The following CELSR1 variants were observed in gnomAD, a reference collection of about 807,000 sequenced individuals.
CELSR1 encodes cadherin EGF LAG seven-pass G-type receptor 1.
In CELSR1, 110 loss-of-function variants were observed where a neutral mutation model predicts 249.1. That is an observed-to-expected ratio of 0.44 (90% CI 0.38 to 0.52). The LOEUF is 0.52. Ranked by LOEUF, CELSR1 falls within the 20% of genes least tolerant of loss-of-function variation. CELSR1 has a pLI of 0.00. For synonymous variants in CELSR1, 2,113 were observed against 1,900.0 expected (o/e 1.11, Z -2.92); for missense variants, 4,109 against 4,296.4 (o/e 0.96, Z 1.22).
rs2078722535 is a variant in CELSR1, at chr22:46,363,019, C to T, written c.*204G>A. ...CACCAGGTCTGACAGGCCCTGAGCT[C>T]CTGGGAGAACCAAGACCTTTGTGTC... On this transcript the variant is annotated 3_prime_UTR_variant, in exon 35 of 35. Transcript: ENST00000674500. This position sits in a 1 kb window ranked among gnomAD's most constrained non-coding sequence, Gnocchi z 4.3. 4.6e-6 allele frequency: 5 copies of T among 1,090,616 alleles called. No individual in the cohort carries two copies. The highest frequency in any genetic ancestry group is 1.4e-5 in the South Asian group (1 of 70,656). The allele number at this position is 1,090,616 out of a possible 1,614,324, so 67.6% of individuals were successfully genotyped here.
Position 46,535,290 on chromosome 22 carries a change from G to C in CELSR1, c.1881C>G (p.Asp627Glu), listed in dbSNP as rs56207834. The C allele has an allele frequency of 2.5e-6, 4 of 1,611,130 alleles. No individual in the cohort carries two copies. The highest frequency in any genetic ancestry group is 2.5e-6 in the Non-Finnish European group (3 of 1,180,000). The change falls in exon 1 of 35, where the codon GAC (aspartate) becomes GAG (glutamate). Residue 627 changes from aspartate to glutamate, a missense_variant. By Grantham distance (45) the Asp-to-Glu change is conservative (BLOSUM62 2). Coordinates refer to ENST00000674500, the MANE Select transcript of CELSR1 (RefSeq NM_001378328.1). ...AGPKNPAPTP[D>E]FPFQIHNSSG... ...AGCTGTTGTGGATCTGGAAGGGGAA[G>C]TCAGGGGTGGGGGCAGGATTCTTAG...
Position 46,446,130 on chromosome 22 carries a change from C to T in CELSR1, c.4184-6719G>A, listed in dbSNP as rs1009631954. Reference sequence around the variant, plus strand: ...GCCCAGCCCCCAGCCACACACCCAGCCCCCTCCACACCATACTCACGAGCC... The same window carrying T: ...GCCCAGCCCCCAGCCACACACCCAGTCCCCTCCACACCATACTCACGAGCC... On this transcript the variant is annotated intron_variant, in intron 2 of 34. Coordinates refer to ENST00000674500, the MANE Select transcript of CELSR1 (RefSeq NM_001378328.1). This position sits in a 1 kb window ranked among gnomAD's most constrained non-coding sequence, Gnocchi z 5.5. 1.3e-5 allele frequency among the ~76,000 whole-genome samples: 2 copies of T among 152,200 alleles called. No homozygotes were observed. The highest frequency in any genetic ancestry group is 2.9e-5 in the Non-Finnish European group (2 of 68,028).
rs925477067 is a variant in CELSR1 at position 46,374,374 on chromosome 22, C to G, written c.7585-1317G>C. 5.9e-5 allele frequency among the ~76,000 whole-genome samples: 9 copies of G among 152,208 alleles called. No homozygotes were observed. The highest frequency in any genetic ancestry group is 2.2e-4 in the African/African-American group (9 of 41,452). On this transcript the variant is annotated intron_variant, in intron 24 of 34. Transcript: ENST00000674500. This position sits in a 1 kb window ranked among gnomAD's most constrained non-coding sequence, Gnocchi z 4.3. ...GCAGGGTCGTACCTGCTTCCCTAAC[C>G]AATGTACCACCTTTTCCAGAAATAG...
chr22:46,533,614 GACGGCC>G lies in CELSR1; in HGVS notation c.3544+7_3544+12del. On this transcript the variant is annotated splice_region_variant and intron_variant, in intron 1 of 34. Coordinates refer to ENST00000674500, the MANE Select transcript of CELSR1 (RefSeq NM_001378328.1). ...CATCAGGAGCTACTCCTCCCACCCC[GACGGCC>G]ACTCACCAGACACAGACACCTCCAT... is the stretch of plus-strand genomic sequence containing the variant. 1 of 1,538,818 alleles carries G rather than the reference GACGGCC, an allele frequency of 6.5e-7. No homozygotes were observed. Among genetic ancestry groups the G allele is most frequent in the Non-Finnish European group, 8.7e-7 (1 of 1,147,402 alleles).
At position 46,535,800 on chromosome 22, in the gene CELSR1, G is replaced by A. The variant is rs774124797; in HGVS notation, c.1371C>T (p.Pro457=). The A allele has an allele frequency of 1.2e-6, 2 of 1,612,300 alleles. No homozygotes were observed. Among genetic ancestry groups the A allele is most frequent in the South Asian group, 2.2e-5 (2 of 91,086 alleles). Residue 457 remains proline (P), a synonymous_variant, in exon 1 of 35, where the codon CCC becomes CCT. Transcript: ENST00000674500. ...IEVEDENDNY[P]QFSEQNYVVQ... Reference sequence around the variant, plus strand: ...CCACGTAGTTCTGCTCGCTGAACTGGGGGTAGTTGTCGTTCTCGTCCTCCA... The same window carrying A: ...CCACGTAGTTCTGCTCGCTGAACTGAGGGTAGTTGTCGTTCTCGTCCTCCA...
In CELSR1 at chr22:46,436,001, T is replaced by C. The variant is rs1240093518; in HGVS notation, c.4522+173A>G. Reference sequence around the variant, plus strand: ...GGCGTGAGCCACCACGCCCGGCCTGTTATGAACATCTTTGTGTACTTTGGA... The same window carrying C: ...GGCGTGAGCCACCACGCCCGGCCTGCTATGAACATCTTTGTGTACTTTGGA... On this transcript the variant is annotated intron_variant, in intron 4 of 34. Coordinates refer to ENST00000674500, the MANE Select transcript of CELSR1 (RefSeq NM_001378328.1). This position sits in a 1 kb window ranked among gnomAD's most constrained non-coding sequence, Gnocchi z 5.9. 6.6e-6 allele frequency among the ~76,000 whole-genome samples: 1 copy of C among 152,150 alleles called. No homozygotes were observed. The highest frequency in any genetic ancestry group is 2.4e-5 in the African/African-American group (1 of 41,444).
rs143566144 is a variant in CELSR1 at position 46,401,771 on chromosome 22, G to C, written c.5227-1869C>G. On this transcript the variant is annotated intron_variant, in intron 9 of 34. Coordinates refer to ENST00000674500, the MANE Select transcript of CELSR1 (RefSeq NM_001378328.1). The surrounding 1 kb of genome is among the most constrained non-coding windows in gnomAD (Gnocchi z 4.7). ...TTACACTAACGATAAAAACGAAAAAGAGCCACCTTTGCAGGACTGGAAGCC... is the reference window on the plus strand; with the variant it reads ...TTACACTAACGATAAAAACGAAAAACAGCCACCTTTGCAGGACTGGAAGCC... Among the ~76,000 whole-genome samples the C allele has an allele frequency of 6.3e-4, 96 of 152,320 alleles. 3 individuals carry two copies. The East Asian group carries it at 0.014, about 22-fold the overall frequency.
At chr22:46,501,535 A>AAATAAGCT (rs1387411678) in intron 1 of CELSR1, among the ~76,000 whole-genome samples, 1 of 152,110 alleles carries the variant, frequency 6.6e-6, no homozygotes, top group Non-Finnish European at 1.5e-5. Context: ...ACAGACATTT[A>AAATAAGCT]AATAAGCTAA....
intron 5 of CELSR1, among the ~76,000 whole-genome samples, chr22:46,416,304 G>GGCCCCAGC (rs1405348686): frequency 2.0e-5 from 3 of 152,254 alleles, no homozygotes; most frequent in Non-Finnish European, 2.9e-5. Context: ...GCACGGTGGA[G>GGCCCCAGC]GCCCCAGCGC....
chr22:46,415,555 C>T (rs961633150), intron 5 of CELSR1, among the ~76,000 whole-genome samples: 16 of 152,034 alleles, frequency 1.1e-4, no homozygotes, highest in African/African-American at 3.1e-4. Context: ...GTACAATACT[C>T]TGAATATACT....
At chr22:46,419,791 G>T (rs544114319) in intron 5 of CELSR1, among the ~76,000 whole-genome samples, 4 of 146,168 alleles carry the variant, frequency 2.7e-5, no homozygotes, top group African/African-American at 1.0e-4. Flanking sequence ...ACTCAAATGC[G>T]CCCTCACCCA....
rs140990388 is a variant in CELSR1, at chr22:46,366,432, G to A, written c.8254C>T (p.Arg2752Cys). ...TTFGDGPDML[R>C]TDLGESTASL... is the part of the protein sequence containing the mutation. ...GCGGTGGACTCGCCCAAGTCTGTGC[G>A]CAGCATGTCAGGCCCGTCACCGAAG... Residue 2752 changes from arginine (R) to cysteine (C), a missense_variant, in exon 30 of 35, where the codon CGC becomes TGC. Coordinates refer to ENST00000674500, the MANE Select transcript of CELSR1 (RefSeq NM_001378328.1). 139 of 1,550,148 alleles carry A rather than the reference G, an allele frequency of 9.0e-5. No individual in the cohort carries two copies. The highest frequency in any genetic ancestry group is 1.1e-4 in the Non-Finnish European group (129 of 1,146,740).
intron 2 of CELSR1, among the ~76,000 whole-genome samples, chr22:46,458,280 G>A (rs2079980317): frequency 2.0e-5 from 3 of 152,196 alleles, no homozygotes; most frequent in South Asian, 2.1e-4. Context: ...CCCAGTGACT[G>A]CACTTTATAC....
At position 46,426,272 on chromosome 22, in the gene CELSR1, C is replaced by T. The variant is rs532570989; in HGVS notation, c.4611+7121G>A. 3.9e-5 allele frequency among the ~76,000 whole-genome samples: 6 copies of T among 152,238 alleles called. No individual in the cohort carries two copies. In the East Asian group the frequency reaches 1.2e-3, roughly 29 times the overall value. On this transcript the variant is annotated intron_variant, in intron 5 of 34. Transcript: ENST00000674500. ...AAGGTTTCTAACTGGTAAAGAGTTACACATATAGAAGAGGAAAAACAACAA... is the reference window on the plus strand; with the variant it reads ...AAGGTTTCTAACTGGTAAAGAGTTATACATATAGAAGAGGAAAAACAACAA...
Position 46,396,775 on chromosome 22 carries a change from A to G in CELSR1, c.5702-29T>C. On this transcript the variant is annotated intron_variant, in intron 12 of 34. Transcript: ENST00000674500. This position sits in a 1 kb window ranked among gnomAD's most constrained non-coding sequence, Gnocchi z 6.4. Reference sequence around the variant, plus strand: ...CAAGGACAGAGCCAGCATTACCTCCACCCACAATCCACGAGACCTTCCACG... The same window carrying G: ...CAAGGACAGAGCCAGCATTACCTCCGCCCACAATCCACGAGACCTTCCACG... 2 of 1,604,980 alleles carry G rather than the reference A, an allele frequency of 1.2e-6. No homozygotes were observed. The highest frequency in any genetic ancestry group is 2.7e-5 in the African/African-American group (2 of 74,634).
At position 46,502,739 on chromosome 22, in the gene CELSR1, G is replaced by A. The variant is rs541178582; in HGVS notation, c.3544+30888C>T. ...TGACAAACCTGAGGTCACCAGGCAA[G>A]TGACAGATGAACCCCATGATCATAG... On this transcript the variant is annotated intron_variant, in intron 1 of 34. Coordinates refer to ENST00000674500, the MANE Select transcript of CELSR1 (RefSeq NM_001378328.1). 2.0e-5 allele frequency among the ~76,000 whole-genome samples: 3 copies of A among 152,302 alleles called. No individual in the cohort carries two copies. In the East Asian group the frequency reaches 5.8e-4, roughly 29 times the overall value.
chr22:46,508,732 G>A lies in CELSR1; in HGVS notation c.3544+24895C>T, dbSNP rs192252074. Among the ~76,000 whole-genome samples the A allele has an allele frequency of 3.7e-4, 57 of 152,306 alleles. 1 individual carries two copies. In the East Asian group the frequency reaches 8.7e-3, roughly 23 times the overall value. ...GAATTTAGAAATGTCAGATTTCTAA[G>A]AATGAATATGTTAAACAGTTTATAA... is the stretch of plus-strand genomic sequence containing the variant. On this transcript the variant is annotated intron_variant, in intron 1 of 34. Coordinates refer to ENST00000674500, the MANE Select transcript of CELSR1 (RefSeq NM_001378328.1).
chr22:46,365,575 G>A lies in CELSR1; in HGVS notation c.8404+11C>T. The stretch of plus-strand genomic sequence containing the variant: ...AACCCACGGGGTCCTCCCCCTCCAG[G>A]GAAGCCATACCAGGGGGATCCTTGC... On this transcript the variant is annotated intron_variant, in intron 31 of 34. Transcript: ENST00000674500. 1.3e-6 allele frequency: 2 copies of A among 1,580,578 alleles called. No individual in the cohort carries two copies. Among genetic ancestry groups the A allele is most frequent in the Non-Finnish European group, 1.7e-6 (2 of 1,163,228 alleles).
At chr22:46,378,397 T>A (rs1287735221) in intron 23 of CELSR1, among the ~76,000 whole-genome samples, 194 bp downstream of exon 23, 1 of 152,176 alleles carries the variant, frequency 6.6e-6, no homozygotes, top group East Asian at 1.9e-4. Context: ...TCCTCGAATA[T>A]GTGTTTTAAT....
Sources: gnomAD v4.1 joint callset for allele counts (sites outside exome capture counted in the v4.1 genomes callset) on GRCh38, gnomAD v4.1.1 for gene constraint, Gnocchi (gnomAD v3.1) non-coding constraint, MANE v1.5 for transcripts, NCBI Gene and HGNC (gene_info 2026-07-23, HGNC 2026-07-21) for gene names.